CAMTA1: variants seen among roughly 807,000 people sequenced by gnomAD.
CAMTA1 encodes the protein calmodulin-binding transcription activator 1.
Under a neutral mutation model 170.9 loss-of-function variants are expected in CAMTA1, and 27 were observed. That is an observed-to-expected ratio of 0.16 (90% CI 0.12 to 0.22). The LOEUF is 0.22. Ranked by LOEUF, CAMTA1 falls within the 10% of genes least tolerant of loss-of-function variation. The pLI is 1.00. For synonymous variants in CAMTA1, 833 were observed against 891.5 expected (o/e 0.93, Z 1.17); for missense variants, 1,619 against 2,217.2 (o/e 0.73, Z 5.42).
At chr1:6,921,099 C>T (rs1315802400) in intron 3 of CAMTA1, among the ~76,000 whole-genome samples, 2 of 152,240 alleles carry the variant, frequency 1.3e-5, no homozygotes, top group Admixed American at 6.5e-5. Flanking sequence ...AACTTTTATG[C>T]TGTTTCCCTT....
At chr1:7,262,143 T>C (rs1668266673) in intron 5 of CAMTA1, among the ~76,000 whole-genome samples, 1 of 152,224 alleles carries the variant, frequency 6.6e-6, no homozygotes. Flanking sequence ...GAGTAAACAC[T>C]GAACTGCTCG....
chr1:7,370,034 G>A (rs571330820), intron 5 of CAMTA1: 2 of 152,414 alleles, frequency 1.3e-5, no homozygotes, highest in South Asian at 2.1e-4. Flanking sequence ...TCCCTGCTGC[G>A]GCGTTCAGGC....
intron 4 of CAMTA1, among the ~76,000 whole-genome samples, chr1:7,246,885 T>G (rs898815364): frequency 3.3e-5 from 5 of 151,874 alleles, no homozygotes; most frequent in Non-Finnish European, 7.4e-5. Flanking sequence ...CCAGGCTGGT[T>G]CCAAACTCCT....
chr1:7,365,846 G>A (rs1322024983), intron 5 of CAMTA1, among the ~76,000 whole-genome samples: 1 of 152,150 alleles, frequency 6.6e-6, no homozygotes, highest in Non-Finnish European at 1.5e-5. Flanking sequence ...AGAGCAATAC[G>A]TGGGGATGGG....
At chr1:7,284,401 G>T (rs185888032) in intron 5 of CAMTA1, among the ~76,000 whole-genome samples, 10 of 151,652 alleles carry the variant, frequency 6.6e-5, no homozygotes, top group African/African-American at 2.4e-4. Context: ...ATGGGGTTTC[G>T]CCATGTTAGC....
At chr1:7,704,836 C>T (rs1458830867) in intron 11 of CAMTA1, among the ~76,000 whole-genome samples, 1 of 145,244 alleles carries the variant, frequency 6.9e-6, no homozygotes, top group African/African-American at 2.5e-5. Flanking sequence ...GGCGCGGGAG[C>T]CAGTGAGCGG....
Position 7,224,644 on chromosome 1 carries a change from C to T in CAMTA1, c.303-24847C>T, listed in dbSNP as rs1404789513. Among the ~76,000 whole-genome samples the T allele has an allele frequency of 4.6e-5, 7 of 152,012 alleles. No individual in the cohort carries two copies. The highest frequency in any genetic ancestry group is 3.3e-4 in the Admixed American group (5 of 15,276). ...CTCAAGCGGGGTCCCAGGTTGGAGG[C>T]GTGACACCCGCGCCTCTCCGCTGGT... is the stretch of plus-strand genomic sequence containing the variant. On this transcript the variant is annotated intron_variant, in intron 4 of 22. Coordinates refer to ENST00000303635, the MANE Select transcript of CAMTA1 (RefSeq NM_015215.4). This position sits in a 1 kb window ranked among gnomAD's most constrained non-coding sequence, Gnocchi z 5.2.
chr1:7,572,504 G>A (rs982897187), intron 6 of CAMTA1, among the ~76,000 whole-genome samples: 5 of 152,152 alleles, frequency 3.3e-5, no homozygotes, highest in Non-Finnish European at 7.4e-5. Context: ...TCCATCTTGA[G>A]TTGATTTTTT....
intron 4 of CAMTA1, among the ~76,000 whole-genome samples, chr1:7,099,058 A>T (rs964549135): frequency 5.9e-5 from 9 of 151,346 alleles, no homozygotes; most frequent in African/African-American, 1.5e-4. Context: ...CATGCTTTTT[A>T]AAAAAATTTT....
At chr1:7,196,760 T>C (rs1655599662) in intron 4 of CAMTA1, among the ~76,000 whole-genome samples, 1 of 152,262 alleles carries the variant, frequency 6.6e-6, no homozygotes, top group Non-Finnish European at 1.5e-5. Flanking sequence ...CTGTCTTCTC[T>C]CATGTCTAGG....
intron 5 of CAMTA1, among the ~76,000 whole-genome samples, chr1:7,260,090 G>A (rs1667953909): frequency 6.6e-6 from 1 of 152,330 alleles, no homozygotes; most frequent in Non-Finnish European, 1.5e-5. Flanking sequence ...TGCCATTGTA[G>A]CATGAAAGCA....
intron 9 of CAMTA1, among the ~76,000 whole-genome samples, chr1:7,666,084 G>A (rs1256467882): frequency 4.0e-5 from 6 of 151,518 alleles, no homozygotes; most frequent in Admixed American, 3.3e-4. Context: ...CAGGAGAATC[G>A]CTTGAACCCG....
rs140478869 is a variant in CAMTA1 at position 7,299,418 on chromosome 1, G to C, written c.438+49792G>C. Among the ~76,000 whole-genome samples the C allele has an allele frequency of 2.0e-5, 3 of 152,190 alleles. No homozygotes were observed. Among genetic ancestry groups the C allele is most frequent in the Non-Finnish European group, 4.4e-5 (3 of 68,040 alleles). ...ATGTGACTCAATATGAACTAAGCAG[G>C]GGGTGGGAGGTACAGACCACCCCAG... On this transcript the variant is annotated intron_variant, in intron 5 of 22. Transcript: ENST00000303635. This position sits in a 1 kb window ranked among gnomAD's most constrained non-coding sequence, Gnocchi z 4.7.
chr1:7,189,654 G>T (rs1654139286), intron 4 of CAMTA1, among the ~76,000 whole-genome samples: 1 of 152,264 alleles, frequency 6.6e-6, no homozygotes, highest in South Asian at 2.1e-4. Context: ...CGTGGATGCA[G>T]TGAAAACGGA....
At chr1:7,217,228 G>T (rs1041401561) in intron 4 of CAMTA1, among the ~76,000 whole-genome samples, 1 of 152,076 alleles carries the variant, frequency 6.6e-6, no homozygotes, top group African/African-American at 2.4e-5. Context: ...CCCTTTGCTC[G>T]GCACTTCTCT....
chr1:6,986,925 T>C (rs1472586707), intron 3 of CAMTA1, among the ~76,000 whole-genome samples: 3 of 152,132 alleles, frequency 2.0e-5, no homozygotes, highest in Non-Finnish European at 4.4e-5. Context: ...AAGTTTGCTC[T>C]TGGGCATATC....
chr1:6,830,036 A>T (rs954493864), intron 3 of CAMTA1, among the ~76,000 whole-genome samples: 2 of 150,530 alleles, frequency 1.3e-5, no homozygotes, highest in Non-Finnish European at 3.0e-5. Flanking sequence ...TTATTTATTT[A>T]TTTTTTATTT....
intron 3 of CAMTA1, among the ~76,000 whole-genome samples, chr1:6,972,947 G>A (rs1484832453): frequency 2.0e-5 from 3 of 152,034 alleles, no homozygotes; most frequent in African/African-American, 7.2e-5. Flanking sequence ...CGCCTCCCAG[G>A]TTCAAGTGAT....
intron 6 of CAMTA1, among the ~76,000 whole-genome samples, chr1:7,499,440 A>AAGCT (rs2093930515): frequency 1.1e-4 from 2 of 17,426 alleles, no homozygotes; most frequent in Non-Finnish European, 1.8e-4. Context: ...CCTGGTGTGC[A>AAGCT]TATGTATATG....
Sources: allele counts gnomAD v4.1 joint callset (sites outside exome capture counted in the v4.1 genomes callset), GRCh38; gene constraint gnomAD v4.1.1; non-coding constraint Gnocchi (gnomAD v3.1); transcripts MANE v1.5; gene names NCBI Gene and HGNC (gene_info 2026-07-23, HGNC 2026-07-21).